The following ZNF385D variants were observed in gnomAD, a reference collection of about 807,000 sequenced individuals.
The protein encoded by ZNF385D is zinc finger protein 385D, also known as zinc finger protein 659.
A neutral mutation model predicts 35.8 loss-of-function variants in ZNF385D; 15 were observed. The ratio of observed to expected loss-of-function variants is 0.42; its 90% CI spans 0.28 to 0.64. The LOEUF (loss-of-function observed/expected upper bound fraction) is 0.64. Among genes scored for constraint, ZNF385D ranks in the 30% least tolerant of loss-of-function variants. The pLI is 0.23. For synonymous variants in ZNF385D, 212 were observed against 186.8 expected (o/e 1.13, Z -1.10); for missense variants, 474 against 494.6 (o/e 0.96, Z 0.39).
chr3:21,423,517 T>C (rs1409084480), intron 7 of ZNF385D, among the ~76,000 whole-genome samples: 2 of 152,128 alleles, frequency 1.3e-5, no homozygotes, highest in African/African-American at 4.8e-5. Context: ...TACCAAAATA[T>C]CCAGGTCAGG....
At chr3:22,009,709 T>C (rs1696450644) in intron 3 of ZNF385D, among the ~76,000 whole-genome samples, 1 of 151,648 alleles carries the variant, frequency 6.6e-6, no homozygotes, top group African/African-American at 2.4e-5. Flanking sequence ...AAATTTAAAA[T>C]ATGCAAGTTG....
intron 3 of ZNF385D, among the ~76,000 whole-genome samples, chr3:22,158,361 T>C (rs971387342): frequency 1.2e-4 from 19 of 152,274 alleles, no homozygotes; most frequent in Admixed American, 1.0e-3. Flanking sequence ...GCTTTTTCCC[T>C]GACTTTATAG....
At chr3:22,286,105 A>T (rs1559499094) in intron 2 of ZNF385D, among the ~76,000 whole-genome samples, 1 of 152,162 alleles carries the variant, frequency 6.6e-6, no homozygotes, top group Non-Finnish European at 1.5e-5. Flanking sequence ...ATCTCTTAAT[A>T]CAATGTACTC....
intron 3 of ZNF385D, among the ~76,000 whole-genome samples, chr3:21,976,997 A>C (rs1172667900): frequency 2.0e-5 from 3 of 152,130 alleles, no homozygotes; most frequent in African/African-American, 7.2e-5. Context: ...CAGGAAAATA[A>C]TAATAATAAT....
chr3:21,820,365 T>G (rs1393059077), intron 3 of ZNF385D, among the ~76,000 whole-genome samples: 1 of 151,806 alleles, frequency 6.6e-6, no homozygotes, highest in Non-Finnish European at 1.5e-5. Flanking sequence ...ATCTAAATAA[T>G]TCATGAATTA....
At chr3:22,366,902 T>A (rs1008454838) in intron 2 of ZNF385D, among the ~76,000 whole-genome samples, 18 of 152,142 alleles carry the variant, frequency 1.2e-4, no homozygotes, top group African/African-American at 4.1e-4. Flanking sequence ...TGGAGTGATG[T>A]GGCCACAAGC....
chr3:22,049,966 G>T (rs370354503), intron 3 of ZNF385D, among the ~76,000 whole-genome samples: 1 of 152,088 alleles, frequency 6.6e-6, no homozygotes, highest in Non-Finnish European at 1.5e-5. Flanking sequence ...TTCTTTCCTT[G>T]TAAAATGCTT....
Position 22,136,673 on chromosome 3 carries a change from G to A in ZNF385D, c.325+32144C>T, listed in dbSNP as rs116026921. The stretch of plus-strand genomic sequence containing the variant: ...TCGCTTTATTAATCATTGCCAAAAC[G>A]TGGGAGCAACCATTATGTCCTTCAA... On this transcript the variant is annotated intron_variant, in intron 3 of 5. Coordinates refer to the ZNF385D transcript ENST00000494108. Among the ~76,000 whole-genome samples the A allele has an allele frequency of 8.3e-3, 1,267 of 152,246 alleles. 11 individuals carry two copies. Among genetic ancestry groups the A allele is most frequent in the South Asian group, 0.023 (109 of 4,828 alleles).
rs150621951 is a variant in ZNF385D, at chr3:22,174,221, C to T, written c.107-5186G>A. Among the ~76,000 whole-genome samples, 72 of 152,064 alleles carry T rather than the reference C, an allele frequency of 4.7e-4. No individual in the cohort carries two copies. In the East Asian group the frequency reaches 0.012, roughly 25 times the overall value. On this transcript the variant is annotated intron_variant, in intron 2 of 5. Transcript: ENST00000494108. ...CAATTTTAATGAGTAGAAAACTTTC[C>T]CTGCAAATAGTGTGTTTTATCTCAA...
intron 1 of ZNF385D, among the ~76,000 whole-genome samples, chr3:21,685,432 C>T (rs7636918): frequency 1.6e-3 from 251 of 152,276 alleles, no homozygotes; most frequent in African/African-American, 5.9e-3. Context: ...GTGGCAGACT[C>T]GTAAGCATTT....
intron 3 of ZNF385D, among the ~76,000 whole-genome samples, chr3:21,936,860 G>T (rs551723777): frequency 6.6e-6 from 1 of 152,212 alleles, no homozygotes; most frequent in South Asian, 2.1e-4. Flanking sequence ...GCTTTTATTA[G>T]AAATTAAAGG....
intron 3 of ZNF385D, among the ~76,000 whole-genome samples, chr3:22,143,547 T>C (rs1704659189): frequency 6.6e-6 from 1 of 152,180 alleles, no homozygotes. Flanking sequence ...TACACACACT[T>C]GCAGATAATT....
At chr3:22,001,623 G>C (rs1191846005) in intron 3 of ZNF385D, among the ~76,000 whole-genome samples, 1 of 151,890 alleles carries the variant, frequency 6.6e-6, no homozygotes, top group Non-Finnish European at 1.5e-5. Flanking sequence ...ACACCAAATG[G>C]ATCTAACAGA....
At chr3:21,547,576 G>C (rs920454429) in intron 3 of ZNF385D, among the ~76,000 whole-genome samples, 1 of 151,122 alleles carries the variant, frequency 6.6e-6, no homozygotes, top group Non-Finnish European at 1.5e-5. Flanking sequence ...ATCAGTCTTC[G>C]TTCTTATTCT....
intron 3 of ZNF385D, among the ~76,000 whole-genome samples, chr3:21,855,292 C>G (rs746563320): frequency 1.3e-5 from 2 of 151,956 alleles, no homozygotes; most frequent in African/African-American, 2.4e-5. Context: ...TCTTCGGCAT[C>G]CCAAATTGCT....
chr3:21,905,709 TA>T (rs1391073435), intron 3 of ZNF385D, among the ~76,000 whole-genome samples: 1 of 143,202 alleles, frequency 7.0e-6, no homozygotes, highest in African/African-American at 2.6e-5. Flanking sequence ...TATATATATA[TA>T]TTCAGTTCAA....
chr3:22,260,471 A>C (rs1012507540), intron 2 of ZNF385D, among the ~76,000 whole-genome samples: 2 of 152,042 alleles, frequency 1.3e-5, no homozygotes, highest in Admixed American at 1.3e-4. Flanking sequence ...CTATGTAACA[A>C]ATCTGCACAT....
At chr3:21,998,584 C>G (rs1695633214) in intron 3 of ZNF385D, among the ~76,000 whole-genome samples, 1 of 152,160 alleles carries the variant, frequency 6.6e-6, no homozygotes, top group African/African-American at 2.4e-5. Context: ...TTATACTTAT[C>G]AGCACCTTGA....
chr3:21,539,485 A>C lies in ZNF385D; in HGVS notation c.276+25089T>G. Among the ~76,000 whole-genome samples the C allele has an allele frequency of 6.6e-6, 1 of 152,218 alleles. No individual in the cohort carries two copies. Among genetic ancestry groups the C allele is most frequent in the East Asian group, 1.9e-4 (1 of 5,202 alleles). On this transcript the variant is annotated intron_variant, in intron 3 of 7. Transcript: ENST00000281523. The surrounding 1 kb of genome is among the most constrained non-coding windows in gnomAD (Gnocchi z 4.0). The stretch of plus-strand genomic sequence containing the variant: ...TTAATTTTTGTAATTAGGCCTTTTA[A>C]TAGAAGGACATGACTTCTAATTAAA...
Sources: gnomAD v4.1 joint callset for allele counts (sites outside exome capture counted in the v4.1 genomes callset) on GRCh38, gnomAD v4.1.1 for gene constraint, Gnocchi (gnomAD v3.1) non-coding constraint, MANE v1.5 for transcripts, NCBI Gene and HGNC (gene_info 2026-07-23, HGNC 2026-07-21) for gene names.